The following SEMA5A variants were observed in gnomAD, a reference collection of about 807,000 sequenced individuals.
SEMA5A encodes semaphorin-5A.
In SEMA5A, 55 loss-of-function variants were observed where a neutral mutation model predicts 135.5. That is an observed-to-expected ratio of 0.41 (90% confidence interval 0.33 to 0.51). SEMA5A has a LOEUF of 0.51. Ranked by LOEUF, SEMA5A falls within the 20% of genes least tolerant of loss-of-function variation. The pLI is 0.37. For missense variants in SEMA5A, 1,290 were observed against 1,419.9 expected, an observed-to-expected ratio of 0.91 and a Z score of 1.47; for synonymous variants, 580 against 546.5, an observed-to-expected ratio of 1.06 and a Z score of -0.85.
chr5:9,111,718 T>A (rs1053643607), intron 15 of SEMA5A, among the ~76,000 whole-genome samples: 1 of 152,172 alleles, frequency 6.6e-6, no homozygotes, highest in Non-Finnish European at 1.5e-5. Flanking sequence ...CTCTGTCTCT[T>A]TGTGTCTGGG....
intron 3 of SEMA5A, among the ~76,000 whole-genome samples, chr5:9,347,732 G>A (rs771433317): frequency 6.6e-6 from 1 of 152,162 alleles, no homozygotes; most frequent in Non-Finnish European, 1.5e-5. Context: ...GGGGCAGGCG[G>A]CAGACAGGCT....
chr5:9,317,984 A>G (rs1237849927), intron 5 of SEMA5A, among the ~76,000 whole-genome samples: 1 of 152,218 alleles, frequency 6.6e-6, no homozygotes, highest in Non-Finnish European at 1.5e-5. Context: ...TAAATTATAA[A>G]GAGGAAACAA....
Position 9,211,531 on chromosome 5 carries a change from G to GC in SEMA5A, c.647-9292dup, listed in dbSNP as rs144376921. Among the ~76,000 whole-genome samples the GC allele has an allele frequency of 3.9e-4, 59 of 152,170 alleles. 1 individual carries two copies. In the East Asian group the frequency reaches 7.2e-3, roughly 19 times the overall value. ...GTGCTGTGCATACCCTTCCAAACAG[G>GC]CTCTCACTGTCCCCAGGTTGGAGCC... On this transcript the variant is annotated intron_variant, in intron 8 of 22. Coordinates refer to ENST00000382496, the MANE Select transcript of SEMA5A (RefSeq NM_003966.3).
intron 3 of SEMA5A, among the ~76,000 whole-genome samples, chr5:9,340,828 A>C (rs572570975): frequency 1.3e-5 from 2 of 152,212 alleles, no homozygotes; most frequent in African/African-American, 4.8e-5. Context: ...AGAGCCTTGC[A>C]AGAAAGTCTC....
chr5:9,374,946 C>T (rs1470267611), intron 3 of SEMA5A, among the ~76,000 whole-genome samples: 1 of 152,140 alleles, frequency 6.6e-6, no homozygotes, highest in East Asian at 1.9e-4. Context: ...TCTGCTTAAA[C>T]AATCATCTCC....
intron 13 of SEMA5A, among the ~76,000 whole-genome samples, chr5:9,125,790 C>A (rs1003151987): frequency 8.6e-5 from 13 of 151,972 alleles, no homozygotes; most frequent in South Asian, 6.2e-4. Context: ...GTGACTCAAG[C>A]CACTAATACA....
At chr5:9,131,281 A>T (rs1271870210) in intron 13 of SEMA5A, among the ~76,000 whole-genome samples, 1 of 152,058 alleles carries the variant, frequency 6.6e-6, no homozygotes, top group Non-Finnish European at 1.5e-5. Flanking sequence ...TCACATGGTG[A>T]GAGAGAGAGT....
intron 1 of SEMA5A, among the ~76,000 whole-genome samples, chr5:9,458,541 A>C (rs1758934014): frequency 6.6e-6 from 1 of 152,186 alleles, no homozygotes; most frequent in Non-Finnish European, 1.5e-5. Context: ...CCCATACGCC[A>C]CCCAGCACGC....
At chr5:9,234,613 G>A (rs1747803234) in intron 6 of SEMA5A, among the ~76,000 whole-genome samples, 1 of 152,076 alleles carries the variant, frequency 6.6e-6, no homozygotes, top group Non-Finnish European at 1.5e-5. Flanking sequence ...TATACTTAAG[G>A]CAACCTAAAA....
At chr5:9,374,550 G>A (rs1031061434) in intron 3 of SEMA5A, among the ~76,000 whole-genome samples, 3 of 151,878 alleles carry the variant, frequency 2.0e-5, no homozygotes, top group Admixed American at 6.6e-5. Context: ...ACGGGGAGTC[G>A]CAGAGACCAC....
intron 5 of SEMA5A, among the ~76,000 whole-genome samples, chr5:9,255,113 G>A (rs1034408429): frequency 3.9e-5 from 6 of 152,200 alleles, no homozygotes; most frequent in African/African-American, 1.4e-4. Flanking sequence ...CTATTCTACT[G>A]TTCAGGAAAG....
chr5:9,286,373 A>G (rs1750795752), intron 5 of SEMA5A, among the ~76,000 whole-genome samples: 1 of 152,006 alleles, frequency 6.6e-6, no homozygotes, highest in Non-Finnish European at 1.5e-5. Context: ...TATTATATGA[A>G]CTTTTTTCCT....
chr5:9,457,311 C>T (rs779821626), intron 1 of SEMA5A, among the ~76,000 whole-genome samples: 4 of 152,212 alleles, frequency 2.6e-5, no homozygotes, highest in Non-Finnish European at 4.4e-5. Flanking sequence ...AACCCTGTCA[C>T]CAATTTCTAC....
chr5:9,435,076 C>T (rs1324846841), intron 2 of SEMA5A, among the ~76,000 whole-genome samples: 1 of 152,100 alleles, frequency 6.6e-6, no homozygotes, highest in African/African-American at 2.4e-5. Flanking sequence ...ATTTATGTGG[C>T]AAAGGGTATT....
chr5:9,050,561 C>A, intron 20 of SEMA5A, 104 bp from the exon 21 acceptor site: 2 of 949,958 alleles, frequency 2.1e-6, no homozygotes, highest in Non-Finnish European at 1.5e-6. Context: ...TGTTATGTGA[C>A]ACAAAGTTTC....
chr5:9,120,233 C>T (rs1740740161), intron 14 of SEMA5A, among the ~76,000 whole-genome samples: 1 of 151,964 alleles, frequency 6.6e-6, no homozygotes, highest in South Asian at 2.1e-4. Flanking sequence ...ATTTACATTT[C>T]CTATGAAAAA....
intron 9 of SEMA5A, among the ~76,000 whole-genome samples, chr5:9,197,781 TG>T (rs1561011386): frequency 0.013 from 1,356 of 100,620 alleles, 10 homozygotes; most frequent in Non-Finnish European, 0.017. Flanking sequence ...TGTGTGTGTG[TG>T]TGTTTTAACC....
intron 1 of SEMA5A, among the ~76,000 whole-genome samples, chr5:9,497,647 C>T (rs1240844115): frequency 6.6e-6 from 1 of 152,156 alleles, no homozygotes; most frequent in Non-Finnish European, 1.5e-5. Flanking sequence ...TCAAAAAACC[C>T]TATGTGGAAG....
At chr5:9,305,294 TAATC>T (rs759751518) in intron 5 of SEMA5A, among the ~76,000 whole-genome samples, 1 of 152,208 alleles carries the variant, frequency 6.6e-6, no homozygotes, top group Non-Finnish European at 1.5e-5. Flanking sequence ...ATTTTCAAAA[TAATC>T]TATGAAGCCT....
Sources: allele counts gnomAD v4.1 joint callset (sites outside exome capture counted in the v4.1 genomes callset), GRCh38; gene constraint gnomAD v4.1.1; transcripts MANE v1.5; gene names NCBI Gene and HGNC (gene_info 2026-07-23, HGNC 2026-07-21).